The following KRT18 variants were observed in gnomAD, a reference collection of about 807,000 sequenced individuals.
The protein encoded by KRT18 is keratin 18.
In KRT18, 8 loss-of-function variants were observed where a neutral mutation model predicts 39.9. That is an observed-to-expected ratio of 0.20 (90% confidence interval 0.12 to 0.36). The LOEUF (loss-of-function observed/expected upper bound fraction) is 0.36, where lower values mean the gene tolerates loss of function less well. Ranked by LOEUF, KRT18 falls within the 10% of genes least tolerant of loss-of-function variation. KRT18 has a pLI of 1.00. For missense variants in KRT18, 396 were observed against 565.7 expected (o/e 0.70, Z 3.04); for synonymous variants, 194 against 227.8 (o/e 0.85, Z 1.33).
At chr12:52,952,394 C>T in intron 6 of KRT18, 52 bp downstream of exon 6, 1 of 1,295,788 alleles carries the variant, frequency 7.7e-7, no homozygotes, top group Non-Finnish European at 1.1e-6. Context: ...ATCACTTCTC[C>T]CCAAAGTCTG....
chr12:52,952,684 G>C, intron 6 of KRT18, 38 bp from the exon 7 acceptor site: 4 of 1,611,334 alleles, frequency 2.5e-6, no homozygotes, highest in Non-Finnish European at 2.5e-6. Context: ...TCTACTCCAC[G>C]GGGCTGTTTA....
At position 52,952,745 on chromosome 12, in the gene KRT18, G is replaced by C. The variant is rs2120781909; in HGVS notation, c.1196G>C (p.Ser399Thr). 6.2e-7 allele frequency: 1 copy of C among 1,612,942 alleles called. No individual in the cohort carries two copies. The highest frequency in any genetic ancestry group is 8.5e-7 in the Non-Finnish European group (1 of 1,179,944). ...AGTCTTGGTGATGCCTTGGACAGCA[G>C]CAACTCCATGCAAACCATCCAAAAG... ...DFNLGDALDS[S>T]NSMQTIQKTT... The change falls in exon 7 of 7, where the codon AGC becomes ACC. Residue 399 changes from serine to threonine, a missense_variant. Coordinates refer to ENST00000388835, the MANE Select transcript of KRT18 (RefSeq NM_000224.3).
rs748412999 is a variant in KRT18 at position 52,950,746 on chromosome 12, A to C, written c.501-4A>C. ...GGCCCCTCTGATCACCTCCACTCCT[A>C]TAGGTATGAGACAGAGCTGGCCATG... On this transcript the variant is annotated splice_region_variant and splice_polypyrimidine_tract_variant and intron_variant, in intron 2 of 6. Coordinates refer to ENST00000388835, the MANE Select transcript of KRT18 (RefSeq NM_000224.3). 1 of 1,609,572 alleles carries C rather than the reference A, an allele frequency of 6.2e-7. No homozygotes were observed. The highest frequency in any genetic ancestry group is 8.5e-7 in the Non-Finnish European group (1 of 1,178,892).
intron 1 of KRT18, chr12:52,949,920 G>A: frequency 4.6e-6 from 3 of 651,308 alleles, no homozygotes; most frequent in Non-Finnish European, 8.3e-6. Context: ...AGGGTTAAGC[G>A]GATGTGGCTA....
At chr12:52,949,642 T>TAATTG (rs1942438675) in intron 1 of KRT18, 52 bp downstream of exon 1, 1 of 1,471,022 alleles carries the variant, frequency 6.8e-7, no homozygotes, top group African/African-American at 1.4e-5. Context: ...CCTCCAATTA[T>TAATTG]ACACTCCTTT....
chr12:52,949,283 C>G lies in KRT18; in HGVS notation c.110C>G (p.Ala37Gly), dbSNP rs1319072747. ...GTCAGCAGCGCGGCCAGCGTCTATG[C>G]AGGCGCTGGGGGCTCTGGTTCCCGG... ...RPVSSAASVYAGAGGSGSRIS... is the reference protein window; with the variant it reads ...RPVSSAASVYGGAGGSGSRIS... Residue 37 changes from alanine (A) to glycine (G), a missense_variant, in exon 1 of 7, where the codon GCA (alanine) becomes GGA (glycine). Transcript: ENST00000388835. 1.2e-6 allele frequency: 2 copies of G among 1,610,672 alleles called. No homozygotes were observed.
chr12:52,952,623 G>A, intron 6 of KRT18, 99 bp from the exon 7 acceptor site: 1 of 1,303,916 alleles, frequency 7.7e-7, no homozygotes, highest in Non-Finnish European at 1.1e-6. Context: ...GTGATTTGGA[G>A]ATAAAGGTAG....
intron 6 of KRT18, 125 bp downstream of exon 6, chr12:52,952,467 C>T (rs769804822): frequency 3.7e-4 from 291 of 796,872 alleles, no homozygotes; most frequent in Middle Eastern, 2.9e-3. Context: ...GCCGTTGCTC[C>T]GTGGGTGCTC....
At chr12:52,949,696 G>T in intron 1 of KRT18, 106 bp downstream of exon 1, 2 of 1,047,410 alleles carry the variant, frequency 1.9e-6, no homozygotes, top group East Asian at 2.5e-5. Flanking sequence ...CTACTCCACC[G>T]GGAGGGGGTT....
At position 52,950,360 on chromosome 12, in the gene KRT18, C is replaced by T; in HGVS notation, c.450C>T (p.Ile150=). The change falls in exon 2 of 7, where the codon ATC becomes ATT. Residue 150 remains isoleucine (I), a synonymous_variant. Transcript: ENST00000388835. ...IFANTVDNAR[I]VLQIDNARLA... is the part of the protein sequence containing the mutation. The stretch of plus-strand genomic sequence containing the variant: ...CAAATACTGTGGACAATGCCCGCAT[C>T]GTTCTGCAGATTGACAATGCCCGTC... 1.9e-6 allele frequency: 3 copies of T among 1,613,536 alleles called. No homozygotes were observed. The highest frequency in any genetic ancestry group is 1.7e-6 in the Non-Finnish European group (2 of 1,179,508).
At chr12:52,952,427 G>C (rs1942508239) in intron 6 of KRT18, 85 bp downstream of exon 6, 1 of 966,632 alleles carries the variant, frequency 1.0e-6, no homozygotes, top group Admixed American at 2.0e-5. Flanking sequence ...CACCCCATGT[G>C]TCTGTTCACT....
At chr12:52,952,655 C>CT in intron 6 of KRT18, 67 bp from the exon 7 acceptor site, 1 of 1,581,302 alleles carries the variant, frequency 6.3e-7, no homozygotes, top group Non-Finnish European at 8.7e-7. Flanking sequence ...CTTTTTCCCT[C>CT]TACCTTTCTT....
At chr12:52,952,435 A>G in intron 6 of KRT18, 93 bp downstream of exon 6, 2 of 898,304 alleles carry the variant, frequency 2.2e-6, no homozygotes, top group Non-Finnish European at 3.6e-6. Flanking sequence ...GTGTCTGTTC[A>G]CTGGTATCCA....
At chr12:52,950,999 T>C in intron 3 of KRT18, 93 bp downstream of exon 3, 1 of 1,229,236 alleles carries the variant, frequency 8.1e-7, no homozygotes, top group South Asian at 1.4e-5. Flanking sequence ...CAAGTAGCCT[T>C]GCTAAGACGT....
At position 52,951,718 on chromosome 12, in the gene KRT18, C is replaced by A. The variant is rs774439594; in HGVS notation, c.823-13C>A. 6.2e-7 allele frequency: 1 copy of A among 1,613,190 alleles called. No homozygotes were observed. Among genetic ancestry groups the A allele is most frequent in the African/African-American group, 1.3e-5 (1 of 75,038 alleles). On this transcript the variant is annotated splice_polypyrimidine_tract_variant and intron_variant, in intron 4 of 6. Coordinates refer to ENST00000388835, the MANE Select transcript of KRT18 (RefSeq NM_000224.3). ...CGGAATGAGGGGCCTGATGGACTGTCCCCATCCTGCAGATTGAGGAGAGCA... is the reference window on the plus strand; with the variant it reads ...CGGAATGAGGGGCCTGATGGACTGTACCCATCCTGCAGATTGAGGAGAGCA...
Position 52,949,256 on chromosome 12 carries a change from C to G in KRT18, c.83C>G (p.Pro28Arg), listed in dbSNP as rs74379840. The change falls in exon 1 of 7, where the codon CCG (proline) becomes CGG (arginine). Residue 28 changes from proline (P) to arginine (R), a missense_variant. Coordinates refer to ENST00000388835, the MANE Select transcript of KRT18 (RefSeq NM_000224.3). Reference protein sequence around the residue: ...SVQAPSYGARPVSSAASVYAG... With the variant: ...SVQAPSYGARRVSSAASVYAG... The stretch of plus-strand genomic sequence containing the variant: ...CAGGCGCCCAGCTACGGCGCCCGGC[C>G]GGTCAGCAGCGCGGCCAGCGTCTAT... 15 of 1,520,712 alleles carry G rather than the reference C, an allele frequency of 9.9e-6. No homozygotes were observed. The South Asian group carries it at 1.1e-4, about 12-fold the overall frequency. The allele number at this position is 1,520,712 out of a possible 1,614,324, so 94.2% of individuals were successfully genotyped here.
upstream of KRT18, chr12:52,948,905 G>A: frequency 2.3e-6 from 1 of 436,472 alleles, no homozygotes; most frequent in Non-Finnish European, 3.9e-6. Flanking sequence ...TGCTGTCCGT[G>A]TCCATGCCCG....
chr12:52,950,625 C>A, intron 2 of KRT18, 125 bp from the exon 3 acceptor site: 1 of 986,884 alleles, frequency 1.0e-6, no homozygotes, highest in Non-Finnish European at 1.6e-6. Context: ...CAGGGGATTA[C>A]CACCTAATTG....
At chr12:52,949,867 AAAG>A in intron 1 of KRT18, 1 of 695,308 alleles carries the variant, frequency 1.4e-6, no homozygotes, top group Non-Finnish European at 2.6e-6. Flanking sequence ...AAAGGCCTGT[AAAG>A]AGGAGGAGAC....
Sources: gnomAD v4.1 joint callset for allele counts on GRCh38, gnomAD v4.1.1 for gene constraint, MANE v1.5 for transcripts, NCBI Gene and HGNC (gene_info 2026-07-23, HGNC 2026-07-21) for gene names.